CHD1: variants seen among roughly 807,000 people sequenced by gnomAD.
CHD1 encodes the protein chromodomain helicase DNA binding protein 1, also known as ATP-dependent chromatin remodeler CHD1.
A neutral mutation model predicts 224.2 loss-of-function variants in CHD1; 36 were observed. The observed-to-expected ratio is 0.16, with a 90% CI of 0.12 to 0.21. The LOEUF (loss-of-function observed/expected upper bound fraction) is 0.21. Ranked by LOEUF, CHD1 falls within the 10% of genes least tolerant of loss-of-function variation. The pLI is 1.00. For missense variants in CHD1, 1,378 were observed against 1,994.8 expected (o/e 0.69, Z 5.89); for synonymous variants, 668 against 658.3 (o/e 1.01, Z -0.23).
rs1751498898 is a variant in CHD1 at position 98,898,670 on chromosome 5, T to C, written c.1180A>G (p.Ile394Val). The change falls in exon 9 of 36, where the codon ATA becomes GTA. Residue 394 changes from isoleucine to valine, a missense_variant. Physicochemically the swap from Ile to Val is conservative, Grantham distance 29. Transcript: ENST00000614616. ...AGAATCATTTATCACTAACCAATTA[T>C]ACGTTCCACTATTTGATACTGTTTA... ...LHKQYQIVERIIAHSNQKSAA... is the reference protein window; with the variant it reads ...LHKQYQIVERVIAHSNQKSAA... The C allele has an allele frequency of 1.3e-6, 2 of 1,507,126 alleles. No homozygotes were observed. Among genetic ancestry groups the C allele is most frequent in the Non-Finnish European group, 1.8e-6 (2 of 1,090,960 alleles). The allele number at this position is 1,507,126 out of a possible 1,614,324, so 93.4% of individuals were successfully genotyped here.
intron 29 of CHD1, 46 bp downstream of exon 29, chr5:98,870,641 C>A: frequency 1.8e-6 from 2 of 1,098,486 alleles, no homozygotes; most frequent in East Asian, 2.5e-5. Flanking sequence ...CAAAATTTAC[C>A]TTACTAAAAA....
At chr5:98,899,757 T>C (rs781329727) in intron 7 of CHD1, 52 bp from the exon 8 acceptor site, 2 of 1,317,086 alleles carry the variant, frequency 1.5e-6, no homozygotes, top group Admixed American at 2.0e-5. Context: ...GTTGTAGGAT[T>C]ATATTTCAAC....
intron 23 of CHD1, 98 bp downstream of exon 23, chr5:98,879,449 CAAGAA>C: frequency 1.0e-6 from 1 of 984,128 alleles, no homozygotes; most frequent in Non-Finnish European, 1.4e-6. Flanking sequence ...AAGGCCATTA[CAAGAA>C]AAGAAAACTA....
chr5:98,914,538 G>T (rs1197683338), intron 2 of CHD1, among the ~76,000 whole-genome samples: 1 of 152,046 alleles, frequency 6.6e-6, no homozygotes, highest in Non-Finnish European at 1.5e-5. Flanking sequence ...TACCTTATGT[G>T]AAAGTAAAAA....
chr5:98,876,932 G>A lies in CHD1; in HGVS notation c.3238-374C>T, dbSNP rs536576970. 1.9e-4 allele frequency among the ~76,000 whole-genome samples: 29 copies of A among 152,346 alleles called. No homozygotes were observed. The South Asian group carries it at 6.0e-3, about 32-fold the overall frequency. On this transcript the variant is annotated intron_variant, in intron 23 of 35. Coordinates refer to ENST00000614616, the MANE Select transcript of CHD1 (RefSeq NM_001270.4). ...CCTGTAATCCCAGCATGACTGGGAG[G>A]CCAAGGCAGGAAGATAACTTGAGCC...
At chr5:98,883,710 G>A (rs922102153) in intron 18 of CHD1, among the ~76,000 whole-genome samples, 6 of 150,896 alleles carry the variant, frequency 4.0e-5, no homozygotes, top group East Asian at 3.9e-4. Flanking sequence ...CAGCCCAAAC[G>A]CCCATCAATC....
chr5:98,862,141 G>GT lies in CHD1; in HGVS notation c.4427+1266dup, dbSNP rs549046846. 7.2e-5 allele frequency among the ~76,000 whole-genome samples: 11 copies of GT among 152,260 alleles called. No homozygotes were observed. In the South Asian group the frequency reaches 2.3e-3, roughly 32 times the overall value. On this transcript the variant is annotated intron_variant, in intron 32 of 35. Coordinates refer to ENST00000614616, the MANE Select transcript of CHD1 (RefSeq NM_001270.4). The stretch of plus-strand genomic sequence containing the variant: ...ACTGCACTCCAACCTGGGCAACAGA[G>GT]TAAGATTCCATCTCAAAAAAATAAA...
intron 2 of CHD1, among the ~76,000 whole-genome samples, chr5:98,913,387 T>G (rs996421104): frequency 2.0e-5 from 3 of 152,034 alleles, no homozygotes; most frequent in African/African-American, 7.2e-5. Flanking sequence ...GGGAGGAGGA[T>G]CCCTTAAACC....
At chr5:98,900,464 G>A (rs1423761980) in intron 7 of CHD1, among the ~76,000 whole-genome samples, 1 of 147,836 alleles carries the variant, frequency 6.8e-6, no homozygotes, top group Non-Finnish European at 1.5e-5. Context: ...TTTTGAGATG[G>A]AGTTTCGCTC....
At chr5:98,875,367 TG>T (rs1156599712) in intron 24 of CHD1, among the ~76,000 whole-genome samples, 1 of 152,142 alleles carries the variant, frequency 6.6e-6, no homozygotes, top group Non-Finnish European at 1.5e-5. Flanking sequence ...AGCTAAATTT[TG>T]TTTTAAAAAT....
intron 2 of CHD1, among the ~76,000 whole-genome samples, chr5:98,911,175 A>ATATATATATAT (rs1554081101): frequency 2.9e-5 from 4 of 138,546 alleles, no homozygotes; most frequent in African/African-American, 1.1e-4. Flanking sequence ...ATATATATAT[A>ATATATATATAT]TAGAGGCATG....
At chr5:98,884,555 A>G (rs747242242) in intron 18 of CHD1, among the ~76,000 whole-genome samples, 53 of 152,156 alleles carry the variant, frequency 3.5e-4, no homozygotes, top group Non-Finnish European at 6.6e-4. Context: ...AATTTGGTTC[A>G]GTGTATACTG....
intron 23 of CHD1, among the ~76,000 whole-genome samples, chr5:98,878,454 G>GA (rs1749930157): frequency 6.6e-6 from 1 of 152,146 alleles, no homozygotes; most frequent in African/African-American, 2.4e-5. Context: ...AAGGAAGCAC[G>GA]AAAAAACTCA....
intron 2 of CHD1, among the ~76,000 whole-genome samples, chr5:98,919,273 C>T (rs924561788): frequency 4.6e-5 from 7 of 152,104 alleles, no homozygotes; most frequent in Non-Finnish European, 1.5e-5. Flanking sequence ...AAGAACTGTG[C>T]ATCATTGAAT....
At chr5:98,885,702 G>T in intron 17 of CHD1, 53 bp from the exon 18 acceptor site, 1 of 1,037,454 alleles carries the variant, frequency 9.6e-7, no homozygotes, top group Non-Finnish European at 1.5e-6. Flanking sequence ...GTATTACAAA[G>T]CAATTAAAAT....
At chr5:98,914,232 G>C (rs1351060199) in intron 2 of CHD1, among the ~76,000 whole-genome samples, 1 of 152,136 alleles carries the variant, frequency 6.6e-6, no homozygotes, top group Non-Finnish European at 1.5e-5. Context: ...TAGCTGAAAA[G>C]GGCAACCACT....
chr5:98,879,433 C>T, intron 23 of CHD1, 119 bp downstream of exon 23: 1 of 769,960 alleles, frequency 1.3e-6, no homozygotes, highest in Non-Finnish European at 2.0e-6. Flanking sequence ...CAAACATTAT[C>T]AAATCAAGGC....
At chr5:98,901,150 C>T in intron 6 of CHD1, 36 bp downstream of exon 6, 1 of 1,586,514 alleles carries the variant, frequency 6.3e-7, no homozygotes, top group Non-Finnish European at 8.5e-7. Flanking sequence ...CAAATACTTT[C>T]CACAATCAAT....
chr5:98,856,789 A>G, intron 35 of CHD1, 64 bp from the exon 36 acceptor site: 3 of 1,054,290 alleles, frequency 2.8e-6, no homozygotes, highest in Non-Finnish European at 4.1e-6. Context: ...CAAATAAAAG[A>G]TAACTAAAAA....
Sources: gnomAD v4.1 joint callset for allele counts (sites outside exome capture counted in the v4.1 genomes callset) on GRCh38, gnomAD v4.1.1 for gene constraint, MANE v1.5 for transcripts, NCBI Gene and HGNC (gene_info 2026-07-23, HGNC 2026-07-21) for gene names.